FNIP2: variants seen among roughly 807,000 people sequenced by gnomAD.
FNIP2 encodes folliculin interacting protein 2, also known as folliculin-interacting protein 2.
Under a neutral mutation model 108.7 loss-of-function variants are expected in FNIP2, and 32 were observed. The ratio of observed to expected loss-of-function variants is 0.29; its 90% CI spans 0.22 to 0.40. The LOEUF (loss-of-function observed/expected upper bound fraction) is 0.40. Among genes scored for constraint, FNIP2 ranks in the 10% least tolerant of loss-of-function variants. FNIP2 has a pLI of 1.00. For missense variants in FNIP2, 1,202 were observed against 1,381.6 expected (o/e 0.87, Z 2.06); for synonymous variants, 480 against 496.7 (o/e 0.97, Z 0.45).
intron 13 of FNIP2, 82 bp downstream of exon 13, chr4:158,869,510 A>G: frequency 6.9e-7 from 1 of 1,444,362 alleles, no homozygotes. Context: ...GTTGTTAGCC[A>G]CTACTATTGT....
rs1729918874 is a variant in FNIP2 at position 158,907,244 on chromosome 4, A to G, written c.*2700A>G. 6.6e-6 allele frequency: 1 copy of G among 152,246 alleles called. No individual in the cohort carries two copies. The highest frequency in any genetic ancestry group is 1.5e-5 in the Non-Finnish European group (1 of 68,036). The allele number at this position is 152,246 out of a possible 1,614,324, so 9.4% of individuals were successfully genotyped here. On this transcript the variant is annotated 3_prime_UTR_variant, in exon 17 of 17. Transcript: ENST00000264433. Reference sequence around the variant, plus strand: ...TAAAATGTAGCTTCCATACTTGTGCATAATTCCAAAGTATTTTATTTTTTA... The same window carrying G: ...TAAAATGTAGCTTCCATACTTGTGCGTAATTCCAAAGTATTTTATTTTTTA...
chr4:158,797,389 T>TA (rs995075244), intron 1 of FNIP2, among the ~76,000 whole-genome samples: 1 of 152,194 alleles, frequency 6.6e-6, no homozygotes, highest in African/African-American at 2.4e-5. Flanking sequence ...CGAAGGCTAT[T>TA]ACGGTAGTCC....
chr4:158,816,540 T>TG (rs918638697), intron 1 of FNIP2, among the ~76,000 whole-genome samples: 1 of 152,186 alleles, frequency 6.6e-6, no homozygotes, highest in Non-Finnish European at 1.5e-5. Flanking sequence ...CTCAACACTT[T>TG]GGGAGGCCAA....
At chr4:158,852,777 G>T (rs1779772400) in intron 8 of FNIP2, among the ~76,000 whole-genome samples, 1 of 152,182 alleles carries the variant, frequency 6.6e-6, no homozygotes, top group Admixed American at 6.5e-5. Context: ...CAGCTTCTGT[G>T]ATTGGAAGAG....
At chr4:158,811,805 T>C (rs1308461234) in intron 1 of FNIP2, among the ~76,000 whole-genome samples, 1 of 152,162 alleles carries the variant, frequency 6.6e-6, no homozygotes, top group African/African-American at 2.4e-5. Context: ...GTCCCGAAGT[T>C]AGAGAAATAT....
chr4:158,836,512 A>G (rs1348751384), intron 7 of FNIP2: 1 of 151,998 alleles, frequency 6.6e-6, no homozygotes, highest in Non-Finnish European at 1.5e-5. Flanking sequence ...AGAAACTCTC[A>G]TTGATCAGGC....
chr4:158,848,106 C>T (rs1053287499), intron 7 of FNIP2, among the ~76,000 whole-genome samples: 1 of 152,216 alleles, frequency 6.6e-6, no homozygotes, highest in African/African-American at 2.4e-5. Context: ...GGCTTCACAA[C>T]CTGCTGATTT....
intron 7 of FNIP2, among the ~76,000 whole-genome samples, chr4:158,848,138 A>T (rs1034775939): frequency 2.0e-5 from 3 of 152,222 alleles, no homozygotes; most frequent in Non-Finnish European, 4.4e-5. Context: ...GTCTTCAGCA[A>T]ATACAGGCGG....
rs750918824 is a variant in FNIP2 at position 158,868,323 on chromosome 4, G to A, written c.1687G>A (p.Glu563Lys). The A allele has an allele frequency of 6.2e-7, 1 of 1,614,066 alleles. No homozygotes were observed. Among genetic ancestry groups the A allele is most frequent in the Non-Finnish European group, 8.5e-7 (1 of 1,179,908 alleles). ...IITALEKGEV[E>K]ESEYVVITVR... ...AACAGCCTTGGAGAAAGGAGAGGTG[G>A]AGGAGTCTGAGTATGTGGTCATTAC... The change falls in exon 13 of 17, where the codon GAG becomes AAG. Residue 563 changes from glutamate to lysine, a missense_variant. By Grantham distance (56) the Glu-to-Lys change is moderately conservative (BLOSUM62 1). Around this residue, in one of 5 missense-constraint regions of FNIP2, gnomAD observed 878 missense variants for 990.3 expected, o/e 0.89. Coordinates refer to ENST00000264433, the MANE Select transcript of FNIP2 (RefSeq NM_020840.3). This position sits in a 1 kb window ranked among gnomAD's most constrained non-coding sequence, Gnocchi z 4.6.
intron 7 of FNIP2, among the ~76,000 whole-genome samples, chr4:158,840,577 G>A (rs534807468): frequency 1.1e-4 from 17 of 152,212 alleles, no homozygotes; most frequent in African/African-American, 4.1e-4. Flanking sequence ...TGTATTTTCA[G>A]TAGAAACGGA....
intron 14 of FNIP2, among the ~76,000 whole-genome samples, chr4:158,881,110 A>G (rs574076544): frequency 2.6e-5 from 4 of 152,310 alleles, no homozygotes; most frequent in Non-Finnish European, 5.9e-5. Flanking sequence ...AATGTATTAA[A>G]CTTACCAGAA....
intron 1 of FNIP2, among the ~76,000 whole-genome samples, chr4:158,821,991 G>A (rs1366004539): frequency 6.6e-6 from 1 of 152,066 alleles, no homozygotes; most frequent in African/African-American, 2.4e-5. Flanking sequence ...TTGGGGGGCT[G>A]AGATGGGAGA....
In FNIP2 at chr4:158,859,618, G is replaced by A. The variant is rs762747705; in HGVS notation, c.1100G>A (p.Arg367Gln). The A allele has an allele frequency of 6.2e-6, 10 of 1,613,520 alleles. No homozygotes were observed. Among genetic ancestry groups the A allele is most frequent in the East Asian group, 2.2e-5 (1 of 44,870 alleles). ...SCRKIAESSL[R>Q]VQFYVSRLME... ...AGGAAAATAGCAGAATCAAGTCTCC[G>A]AGTCCAGTTTTATGTCAGCCGTTTG... Residue 367 changes from arginine (R) to glutamine (Q), a missense_variant, in exon 10 of 17, where the codon CGA (arginine) becomes CAA (glutamine). Transcript: ENST00000264433.
At chr4:158,793,937 A>G (rs1321919999) in intron 1 of FNIP2, among the ~76,000 whole-genome samples, 1 of 152,186 alleles carries the variant, frequency 6.6e-6, no homozygotes, top group Non-Finnish European at 1.5e-5. Flanking sequence ...TACGCTGCCC[A>G]GTTCAGTAAA....
At chr4:158,817,740 G>A (rs1280230267) in intron 1 of FNIP2, among the ~76,000 whole-genome samples, 5 of 152,170 alleles carry the variant, frequency 3.3e-5, no homozygotes, top group Non-Finnish European at 7.4e-5. Context: ...TAGAGATGGG[G>A]TTTCACCATG....
At chr4:158,871,477 C>T in intron 14 of FNIP2, 8 of 985,148 alleles carry the variant, frequency 8.1e-6, no homozygotes, top group African/African-American at 1.7e-5. Flanking sequence ...TCTGTGAAGA[C>T]CAAACATCAG....
chr4:158,872,803 T>G, intron 14 of FNIP2: 1 of 947,982 alleles, frequency 1.1e-6, no homozygotes, highest in Non-Finnish European at 1.3e-6. Flanking sequence ...TTGAAAAATA[T>G]TTTAGGAGTA....
chr4:158,884,696 A>G (rs1447821699), intron 14 of FNIP2, among the ~76,000 whole-genome samples: 1 of 152,160 alleles, frequency 6.6e-6, no homozygotes, highest in East Asian at 1.9e-4. Context: ...TTTATAAAGG[A>G]AAGAGGTTTA....
At chr4:158,884,915 C>T (rs1407306944) in intron 14 of FNIP2, among the ~76,000 whole-genome samples, 1 of 149,330 alleles carries the variant, frequency 6.7e-6, no homozygotes, top group Non-Finnish European at 1.5e-5. Flanking sequence ...CCGAGGCAGG[C>T]GGATCACTTG....
Sources: gnomAD v4.1 joint callset for allele counts (sites outside exome capture counted in the v4.1 genomes callset) on GRCh38, gnomAD v4.1.1 for gene constraint, gnomAD v4.1.1 regional missense constraint, Gnocchi (gnomAD v3.1) non-coding constraint, MANE v1.5 for transcripts, NCBI Gene and HGNC (gene_info 2026-07-23, HGNC 2026-07-21) for gene names.